Variants in ANKRD22 observed in about 807,000 individuals in gnomAD.
ANKRD22 encodes the protein ankyrin repeat domain 22.
A neutral mutation model predicts 25.7 loss-of-function variants in ANKRD22; 24 were observed. The observed-to-expected ratio is 0.93, with a 90% CI of 0.68 to 1.31. The LOEUF is 1.31. ANKRD22 is among the 50% of genes most tolerant of loss of function. ANKRD22 has a pLI of 0.00. For missense variants in ANKRD22, 214 were observed against 227.1 expected (o/e 0.94, Z 0.37); for synonymous variants, 84 against 84.3 (o/e 1.00, Z 0.02).
chr10:88,828,723 C>T, intron 2 of ANKRD22, 57 bp from the exon 3 acceptor site: 1 of 1,299,706 alleles, frequency 7.7e-7, no homozygotes, highest in Non-Finnish European at 1.1e-6. Flanking sequence ...AAAATTTATT[C>T]AGATGGCCAT....
chr10:88,828,800 T>TC (rs1399904234), intron 2 of ANKRD22, 134 bp from the exon 3 acceptor site: 1 of 643,596 alleles, frequency 1.6e-6, no homozygotes, highest in African/African-American at 1.8e-5. Context: ...GTGGGATACA[T>TC]CTGATTACTG....
intron 1 of ANKRD22, among the ~76,000 whole-genome samples, chr10:88,843,574 C>G (rs1434186967): frequency 6.6e-6 from 1 of 152,048 alleles, no homozygotes; most frequent in Non-Finnish European, 1.5e-5. Flanking sequence ...AGGGTGTGGA[C>G]TTTAGGGTTC....
intron 1 of ANKRD22, among the ~76,000 whole-genome samples, chr10:88,846,083 A>G (rs959580771): frequency 3.9e-5 from 6 of 151,930 alleles, no homozygotes; most frequent in African/African-American, 1.5e-4. Flanking sequence ...TTCAATATCA[A>G]CTTCTTCCAA....
intron 3 of ANKRD22, 46 bp downstream of exon 3, chr10:88,828,513 C>T: frequency 1.4e-6 from 2 of 1,379,434 alleles, no homozygotes; most frequent in Non-Finnish European, 1.0e-6. Context: ...TGAGTCACAC[C>T]ATCGATCTCC....
At chr10:88,832,939 C>T (rs1052339299) in intron 1 of ANKRD22, among the ~76,000 whole-genome samples, 2 of 152,194 alleles carry the variant, frequency 1.3e-5, no homozygotes, top group Non-Finnish European at 2.9e-5. Context: ...CACCACCTGC[C>T]TTTCTTCTGA....
At chr10:88,848,205 T>C (rs973402353) in intron 1 of ANKRD22, among the ~76,000 whole-genome samples, 2 of 147,886 alleles carry the variant, frequency 1.4e-5, no homozygotes, top group African/African-American at 4.9e-5. Context: ...TATATATACA[T>C]ATATATATAC....
chr10:88,845,098 T>C (rs1184582505), intron 1 of ANKRD22, among the ~76,000 whole-genome samples: 1 of 152,004 alleles, frequency 6.6e-6, no homozygotes, highest in African/African-American at 2.4e-5. Context: ...TCCTCACCAC[T>C]TTTGGTGCTG....
At chr10:88,851,490 A>C in intron 1 of ANKRD22, 97 bp downstream of exon 1, 2 of 1,430,750 alleles carry the variant, frequency 1.4e-6, no homozygotes, top group Non-Finnish European at 9.8e-7. Context: ...TTGAACAGAC[A>C]AAACAGAAAT....
chr10:88,823,828 A>AAAAAAAAG (rs1843826961), intron 4 of ANKRD22, among the ~76,000 whole-genome samples: 1 of 21,470 alleles, frequency 4.7e-5, no homozygotes, highest in Non-Finnish European at 1.4e-4. Flanking sequence ...ACTCCGTCTC[A>AAAAAAAAG]AAAAAAAAAA....
intron 1 of ANKRD22, among the ~76,000 whole-genome samples, chr10:88,848,449 G>T (rs1023031137): frequency 6.6e-6 from 1 of 152,084 alleles, no homozygotes; most frequent in Non-Finnish European, 1.5e-5. Flanking sequence ...TAGAAAACCA[G>T]TTGGGATGAA....
At chr10:88,831,250 C>A (rs1843900658) in intron 2 of ANKRD22, among the ~76,000 whole-genome samples, 1 of 152,234 alleles carries the variant, frequency 6.6e-6, no homozygotes, top group African/African-American at 2.4e-5. Context: ...ATATTCTTCT[C>A]TTTCTTGGTC....
intron 3 of ANKRD22, 103 bp downstream of exon 3, chr10:88,828,456 T>C: frequency 1.1e-6 from 1 of 884,560 alleles, no homozygotes; most frequent in Non-Finnish European, 1.8e-6. Context: ...AAAGGCTTTT[T>C]TTGTTTTTAT....
intron 4 of ANKRD22, among the ~76,000 whole-genome samples, chr10:88,825,233 T>C (rs1843845114): frequency 6.6e-6 from 1 of 152,260 alleles, no homozygotes; most frequent in Admixed American, 6.5e-5. Context: ...TCCACTTGCC[T>C]ACTTTTTCAA....
intron 3 of ANKRD22, among the ~76,000 whole-genome samples, chr10:88,826,772 T>C (rs758323204): frequency 3.1e-4 from 47 of 152,144 alleles, no homozygotes; most frequent in Non-Finnish European, 5.6e-4. Context: ...CTAACACCAG[T>C]CGCCTTTCTG....
At chr10:88,832,844 T>C (rs962145562) in intron 1 of ANKRD22, among the ~76,000 whole-genome samples, 4 of 152,202 alleles carry the variant, frequency 2.6e-5, no homozygotes, top group Non-Finnish European at 5.9e-5. Flanking sequence ...TCTCGACTTC[T>C]GTTCTTCAAA....
intron 1 of ANKRD22, among the ~76,000 whole-genome samples, chr10:88,845,810 G>A (rs909873926): frequency 1.3e-5 from 2 of 152,018 alleles, no homozygotes; most frequent in African/African-American, 2.4e-5. Context: ...CTACCAGAGT[G>A]GCCTTTTTAA....
intron 1 of ANKRD22, among the ~76,000 whole-genome samples, chr10:88,847,175 A>C (rs1290787303): frequency 1.3e-5 from 2 of 152,106 alleles, no homozygotes; most frequent in African/African-American, 4.8e-5. Context: ...TACATTTTTC[A>C]TTAACTTCAG....
chr10:88,847,106 G>A (rs1207244106), intron 1 of ANKRD22, among the ~76,000 whole-genome samples: 3 of 152,096 alleles, frequency 2.0e-5, no homozygotes, highest in Admixed American at 2.0e-4. Flanking sequence ...GATACTGATG[G>A]ATCCACTTTC....
chr10:88,838,835 A>T (rs1245850711), intron 1 of ANKRD22, among the ~76,000 whole-genome samples: 1 of 152,210 alleles, frequency 6.6e-6, no homozygotes, highest in Middle Eastern at 3.2e-3. Context: ...AGAAGGTGTC[A>T]TAATGCCCAG....
Sources: allele counts gnomAD v4.1 joint callset (sites outside exome capture counted in the v4.1 genomes callset), GRCh38; gene constraint gnomAD v4.1.1; transcripts MANE v1.5; gene names NCBI Gene and HGNC (gene_info 2026-07-23, HGNC 2026-07-21).